NTRK1: variants seen among roughly 807,000 people sequenced by gnomAD.
The protein encoded by NTRK1 is high affinity nerve growth factor receptor.
Under a neutral mutation model 86.8 loss-of-function variants are expected in NTRK1, and 62 were observed. That is an observed-to-expected ratio of 0.71 (90% CI 0.58 to 0.88). The LOEUF (loss-of-function observed/expected upper bound fraction) is 0.88, where lower values mean the gene tolerates loss of function less well. Among genes scored for constraint, NTRK1 ranks in the 40% least tolerant of loss-of-function variants. NTRK1 has a pLI of 0.00. For synonymous variants in NTRK1, 469 were observed against 456.6 expected (o/e 1.03, Z -0.35); for missense variants, 967 against 1,078.4 (o/e 0.90, Z 1.45).
At chr1:156,853,712 C>T (rs757244276) in intron 2 of NTRK1, 1 of 1,557,506 alleles carries the variant, frequency 6.4e-7, no homozygotes. Context: ...TGACCCTGCT[C>T]TCTCCCTTCC....
chr1:156,857,163 A>ATGTGTGTGTGTGTGTG (rs57324546), upstream of NTRK1, among the ~76,000 whole-genome samples: 6 of 130,536 alleles, frequency 4.6e-5, no homozygotes, highest in African/African-American at 8.5e-5. Flanking sequence ...GCAGCTGTGT[A>ATGTGTGTGTGTGTGTG]TGTGTGTGTG....
intron 1 of NTRK1, chr1:156,816,805 G>T: frequency 8.5e-7 from 1 of 1,179,486 alleles, no homozygotes; most frequent in Non-Finnish European, 1.2e-6. Flanking sequence ...TCTCACCCTG[G>T]CCCCGGGGGC....
In NTRK1 at chr1:156,868,618, A is replaced by G. The variant is rs1319694817; in HGVS notation, c.688A>G (p.Thr230Ala). ...CCTGGAGCAGGCCGGCTGGATCCTC[A>G]CAGAGCTGGAGCAGTCAGCCACGGT... ...RGLEQAGWIL[T>A]ELEQSATVMK... The change falls in exon 6 of 17, where the codon ACA (threonine) becomes GCA (alanine). Residue 230 changes from threonine (T) to alanine (A), a missense_variant. Thr to Ala is a moderately conservative substitution (Grantham distance 58). Around this residue, in one of 2 missense-constraint regions of NTRK1, gnomAD observed 330 missense variants for 302.0 expected, o/e 1.09. Transcript: ENST00000524377. 1.3e-6 allele frequency: 2 copies of G among 1,550,848 alleles called. No individual in the cohort carries two copies. The highest frequency in any genetic ancestry group is 1.7e-6 in the Non-Finnish European group (2 of 1,147,036).
At chr1:156,844,214 A>C (rs1370858696) in intron 2 of NTRK1, 1 of 1,613,890 alleles carries the variant, frequency 6.2e-7, no homozygotes, top group African/African-American at 1.3e-5. Flanking sequence ...AGCAAGAACG[A>C]TGAGCAGCGT....
chr1:156,860,996 G>C lies in NTRK1; in HGVS notation c.62G>C (p.Ser21Thr), dbSNP rs1415403729. ...GWHSWAAGPG[S>T]LLAWLILASA... ...CACAGCTGGGCTGCGGGGCCGGGCAGCCTGCTGGCTTGGCTGATACTGGCA... is the reference window on the plus strand; with the variant it reads ...CACAGCTGGGCTGCGGGGCCGGGCACCCTGCTGGCTTGGCTGATACTGGCA... Residue 21 changes from serine to threonine, a missense_variant, in exon 1 of 17, where the codon AGC becomes ACC. Ser to Thr is a moderately conservative substitution (Grantham distance 58). Transcript: ENST00000524377. 6.5e-7 allele frequency: 1 copy of C among 1,531,144 alleles called. No homozygotes were observed. The allele number at this position is 1,531,144 out of a possible 1,614,324, so 94.8% of individuals were successfully genotyped here.
chr1:156,855,914 T>A (rs1655392298), upstream of NTRK1, among the ~76,000 whole-genome samples: 1 of 150,936 alleles, frequency 6.6e-6, no homozygotes, highest in Admixed American at 6.6e-5. Context: ...CACTGACTAA[T>A]GTGCGTGTGT....
In NTRK1 at chr1:156,864,360, C is replaced by G. The variant is rs563296138; in HGVS notation, c.219C>G (p.Ile73Met). 6.2e-7 allele frequency: 1 copy of G among 1,614,018 alleles called. No individual in the cohort carries two copies. The highest frequency in any genetic ancestry group is 1.3e-5 in the African/African-American group (1 of 74,906). The change falls in exon 2 of 17, where the codon ATC becomes ATG. Residue 73 changes from isoleucine (I) to methionine (M), a missense_variant. Physicochemically the swap from Ile to Met is conservative, Grantham distance 10. This residue lies in a region of NTRK1 where 330 missense variants were observed against 302.0 expected (regional missense o/e 1.09). Transcript: ENST00000524377. ...PGAENLTELY[I>M]ENQQHLQHLE... ...CCATCCGCTCTCCCCACAGCTACAT[C>G]GAGAACCAGCAGCATCTGCAGCATC... is the stretch of plus-strand genomic sequence containing the variant.
In NTRK1 at chr1:156,875,524, G is replaced by T. The variant is rs200937156; in HGVS notation, c.1359G>T (p.Pro453=). The T allele has an allele frequency of 1.2e-6, 2 of 1,613,710 alleles. No individual in the cohort carries two copies. Among genetic ancestry groups the T allele is most frequent in the South Asian group, 1.1e-5 (1 of 91,084 alleles). ...GRRNKFGINR[P]AVLAPEDGLA... ...GCGGCTGTGTCTCCTCTCTAGGCCCGGCTGTGCTGGCTCCAGAGGATGGGC... is the reference window on the plus strand; with the variant it reads ...GCGGCTGTGTCTCCTCTCTAGGCCCTGCTGTGCTGGCTCCAGAGGATGGGC... The change falls in exon 12 of 17, where the codon CCG becomes CCT. Residue 453 remains proline (P), a synonymous_variant. Transcript: ENST00000524377.
chr1:156,836,901 G>C (rs1022612435), intron 1 of NTRK1, among the ~76,000 whole-genome samples: 1 of 152,190 alleles, frequency 6.6e-6, no homozygotes, highest in African/African-American at 2.4e-5. Context: ...ATCCTGGGCA[G>C]GAGTCTAGAT....
chr1:156,844,686 G>T (rs41267423), intron 2 of NTRK1: 1 of 1,613,900 alleles, frequency 6.2e-7, no homozygotes, highest in Non-Finnish European at 8.5e-7. Context: ...GGGCTGGGAC[G>T]GGGGTCCCAC....
chr1:156,815,804 A>G, exon 1 of NTRK1: 1 of 1,614,058 alleles, frequency 6.2e-7, no homozygotes, highest in South Asian at 1.1e-5. Context: ...TAGGAGCAGT[A>G]AGGGAGTGAG....
chr1:156,862,401 A>ACTCATCACCC (rs1655692155), intron 1 of NTRK1, among the ~76,000 whole-genome samples: 2 of 152,110 alleles, frequency 1.3e-5, no homozygotes, highest in African/African-American at 4.8e-5. Flanking sequence ...GGGCCTTCAG[A>ACTCATCACCC]TTGGGGTCCA....
intron 3 of NTRK1, chr1:156,865,033 G>A (rs1358999877): frequency 1.7e-6 from 1 of 599,596 alleles, no homozygotes; most frequent in Non-Finnish European, 3.0e-6. Flanking sequence ...ATGCTGCAAG[G>A]ACACTTCTCA....
intron 2 of NTRK1, chr1:156,845,099 A>G: frequency 6.2e-7 from 1 of 1,610,174 alleles, no homozygotes; most frequent in Non-Finnish European, 8.5e-7. Flanking sequence ...GCGCGCAAAG[A>G]CGAAGGTGGC....
intron 10 of NTRK1, 98 bp from the exon 11 acceptor site, chr1:156,874,808 C>G (rs1461219022): frequency 8.4e-7 from 1 of 1,186,302 alleles, no homozygotes; most frequent in Non-Finnish European, 1.3e-6. Flanking sequence ...GGAGACCTGG[C>G]TCCGGGCTCC....
At chr1:156,818,138 G>A (rs1401180977) in intron 1 of NTRK1, among the ~76,000 whole-genome samples, 2 of 152,128 alleles carry the variant, frequency 1.3e-5, no homozygotes, top group African/African-American at 2.4e-5. Flanking sequence ...GGGACTAGAA[G>A]GTAGACTTCC....
At chr1:156,843,858 T>C (rs10908521) in intron 2 of NTRK1, among the ~76,000 whole-genome samples, 46,689 of 152,146 alleles carry the variant, frequency 0.31, 7,397 homozygotes, top group African/African-American at 0.37. Flanking sequence ...TCTATTATTT[T>C]TCAGCTTGGG....
rs2274497 is a variant in NTRK1, at chr1:156,867,046, T to C, written c.428+68T>C. 81,431 of 1,489,756 alleles carry C rather than the reference T, an allele frequency of 0.055. 7,265 individuals carry two copies. Among genetic ancestry groups the C allele is most frequent in the African/African-American group, 0.4 (29,376 of 72,896 alleles). 92.3% of individuals were successfully genotyped at this position (1,489,756 alleles called of 1,614,324 possible). ...TGTGCCTGTGTGCACTTGGGTCTGT[T>C]GGATGACATTGGGTCACTGTGTCTG... On this transcript the variant is annotated intron_variant, in intron 4 of 16. Coordinates refer to ENST00000524377, the MANE Select transcript of NTRK1 (RefSeq NM_002529.4).
intron 2 of NTRK1, chr1:156,845,895 C>G: frequency 6.3e-7 from 1 of 1,598,718 alleles, no homozygotes; most frequent in Non-Finnish European, 8.5e-7. Flanking sequence ...GGCCCTGCGC[C>G]TCCATCTCCC....
Sources: allele counts gnomAD v4.1 joint callset (sites outside exome capture counted in the v4.1 genomes callset), GRCh38; gene constraint gnomAD v4.1.1; regional missense constraint gnomAD v4.1.1; transcripts MANE v1.5; gene names NCBI Gene and HGNC (gene_info 2026-07-23, HGNC 2026-07-21).